DCP1A: variants seen among roughly 807,000 people sequenced by gnomAD.
DCP1A encodes decapping mRNA 1A, also known as mRNA-decapping enzyme 1A.
A neutral mutation model predicts 58.0 loss-of-function variants in DCP1A; 20 were observed. The ratio of observed to expected loss-of-function variants is 0.34; its 90% CI spans 0.24 to 0.50. DCP1A has a LOEUF of 0.50. Ranked by LOEUF, DCP1A falls within the 20% of genes least tolerant of loss-of-function variation. DCP1A has a pLI of 0.98. For synonymous variants in DCP1A, 285 were observed against 275.1 expected (o/e 1.04, Z -0.36); for missense variants, 613 against 712.2 (o/e 0.86, Z 1.59).
At chr3:53,320,880 A>G (rs1252320032) in intron 3 of DCP1A, among the ~76,000 whole-genome samples, 2 of 152,266 alleles carry the variant, frequency 1.3e-5, no homozygotes, top group African/African-American at 4.8e-5. Context: ...CACAGAAGTC[A>G]TAGAAGACTG....
At chr3:53,329,555 T>C (rs1204471648) in intron 3 of DCP1A, 2 of 390,386 alleles carry the variant, frequency 5.1e-6, no homozygotes, top group Non-Finnish European at 9.0e-6. Flanking sequence ...ATTAGACTAG[T>C]AGATATATGA....
At chr3:53,305,351 T>C (rs993775800) in intron 5 of DCP1A, among the ~76,000 whole-genome samples, 4 of 152,098 alleles carry the variant, frequency 2.6e-5, no homozygotes, top group African/African-American at 7.2e-5. Context: ...AAAAATTTTT[T>C]TTTCTTTTTT....
At chr3:53,342,935 T>C (rs1395540034) in intron 2 of DCP1A, among the ~76,000 whole-genome samples, 1 of 152,194 alleles carries the variant, frequency 6.6e-6, no homozygotes, top group African/African-American at 2.4e-5. Context: ...TGGCTGCCCA[T>C]CATTACAATA....
At chr3:53,296,312 C>T (rs140188816) in intron 6 of DCP1A, among the ~76,000 whole-genome samples, 10 of 152,314 alleles carry the variant, frequency 6.6e-5, no homozygotes, top group African/African-American at 2.4e-4. Flanking sequence ...ATAACCAAGG[C>T]TAGGCTATTA....
intron 3 of DCP1A, among the ~76,000 whole-genome samples, chr3:53,325,054 G>A (rs1553690444): frequency 6.6e-6 from 1 of 152,042 alleles, no homozygotes; most frequent in Non-Finnish European, 1.5e-5. Context: ...AAAGGTATTT[G>A]AACTATTTTG....
chr3:53,322,234 C>T lies in DCP1A; in HGVS notation c.305-2761G>A, dbSNP rs553960551. ...CTGGAAGGCCAAGGCGGGTGGATCA[C>T]CTGAGGTCAGGAGTTCGAGACCACC... On this transcript the variant is annotated intron_variant, in intron 3 of 9. Coordinates refer to ENST00000610213, the MANE Select transcript of DCP1A (RefSeq NM_018403.7). Among the ~76,000 whole-genome samples the T allele has an allele frequency of 9.2e-5, 14 of 152,178 alleles. No homozygotes were observed. In the South Asian group the frequency reaches 2.9e-3, roughly 32 times the overall value.
intron 4 of DCP1A, among the ~76,000 whole-genome samples, chr3:53,318,206 G>T (rs782732732): frequency 6.6e-6 from 1 of 152,160 alleles, no homozygotes; most frequent in Non-Finnish European, 1.5e-5. Context: ...TTGAGAGGCT[G>T]AGATGGGAGG....
At chr3:53,318,966 G>C (rs1553689573) in intron 4 of DCP1A, among the ~76,000 whole-genome samples, 1 of 152,146 alleles carries the variant, frequency 6.6e-6, no homozygotes, top group Non-Finnish European at 1.5e-5. Flanking sequence ...ATATCCTCTG[G>C]AGCCGGGCAG....
chr3:53,321,633 T>G, intron 3 of DCP1A, among the ~76,000 whole-genome samples: 1 of 152,140 alleles, frequency 6.6e-6, no homozygotes, highest in East Asian at 1.9e-4. Context: ...ACAGGAGAAT[T>G]GCTTGAATCC....
chr3:53,323,359 G>A (rs935677513), intron 3 of DCP1A, among the ~76,000 whole-genome samples: 1 of 152,118 alleles, frequency 6.6e-6, no homozygotes, highest in Non-Finnish European at 1.5e-5. Context: ...CGCTCTTAGC[G>A]GCTAAGGCTT....
intron 5 of DCP1A, among the ~76,000 whole-genome samples, chr3:53,306,931 CTTTTTT>C (rs1159787111): frequency 6.9e-5 from 7 of 101,590 alleles, no homozygotes; most frequent in African/African-American, 2.4e-4. Flanking sequence ...CCAGGCTGTT[CTTTTTT>C]TTTTTTTTTT....
chr3:53,334,594 C>T lies in DCP1A; in HGVS notation c.304+7550G>A, dbSNP rs1025351398. Among the ~76,000 whole-genome samples the T allele has an allele frequency of 3.3e-5, 5 of 152,146 alleles. No individual in the cohort carries two copies. In the East Asian group the frequency reaches 7.7e-4, roughly 23 times the overall value. ...TGGAATGCTTAGGTTTGAACAGCTT[C>T]TAGTTTGTTACTGTTTTTTACAAAA... On this transcript the variant is annotated intron_variant, in intron 3 of 9. Coordinates refer to ENST00000610213, the MANE Select transcript of DCP1A (RefSeq NM_018403.7).
intron 3 of DCP1A, chr3:53,329,554 GTAGA>G (rs2088947197): frequency 2.6e-6 from 1 of 389,922 alleles, no homozygotes; most frequent in Non-Finnish European, 4.5e-6. Flanking sequence ...TATTAGACTA[GTAGA>G]TATATGACAT....
At chr3:53,301,938 C>A (rs1553687451) in intron 6 of DCP1A, among the ~76,000 whole-genome samples, 2 of 152,076 alleles carry the variant, frequency 1.3e-5, no homozygotes, top group Non-Finnish European at 2.9e-5. Flanking sequence ...GTTGCCAGGG[C>A]TAAACGATGG....
At chr3:53,320,687 C>A (rs946371116) in intron 3 of DCP1A, among the ~76,000 whole-genome samples, 1 of 152,142 alleles carries the variant, frequency 6.6e-6, no homozygotes, top group Non-Finnish European at 1.5e-5. Flanking sequence ...ACTATCACAG[C>A]CAGGATACTG....
Position 53,347,417 on chromosome 3 carries a change from G to A in DCP1A, c.101C>T (p.Ala34Val). 1 of 1,612,816 alleles carries A rather than the reference G, an allele frequency of 6.2e-7. No individual in the cohort carries two copies. Among genetic ancestry groups the A allele is most frequent in the South Asian group, 1.1e-5 (1 of 91,050 alleles). ...GGCCTTGGGGCAGAAGGTGTACAGA[G>A]CGACCTGGCCCGTGAGGTCTGCGAT... ...TSIADLTGQV[A>V]LYTFCPKANQ... is the part of the protein sequence containing the mutation. Residue 34 changes from alanine to valine, a missense_variant, in exon 1 of 10, where the codon GCT (alanine) becomes GTT (valine). By Grantham distance (64) the Ala-to-Val change is moderately conservative. Transcript: ENST00000610213.
At chr3:53,331,446 T>C (rs1204706492) in intron 3 of DCP1A, among the ~76,000 whole-genome samples, 3 of 152,236 alleles carry the variant, frequency 2.0e-5, no homozygotes, top group African/African-American at 4.8e-5. Context: ...TGTATTTAGA[T>C]GTACAAATTC....
At chr3:53,330,819 A>G (rs1490244593) in intron 3 of DCP1A, among the ~76,000 whole-genome samples, 3 of 106,426 alleles carry the variant, frequency 2.8e-5, no homozygotes, top group Admixed American at 2.2e-4. Context: ...ATACACATAT[A>G]TATATATTTT....
At chr3:53,337,468 C>T (rs528709167) in intron 3 of DCP1A, among the ~76,000 whole-genome samples, 3 of 152,152 alleles carry the variant, frequency 2.0e-5, no homozygotes, top group Non-Finnish European at 4.4e-5. Flanking sequence ...AAATGCCTAA[C>T]AAAATACCTT....
Sources: gnomAD v4.1 joint callset for allele counts (sites outside exome capture counted in the v4.1 genomes callset) on GRCh38, gnomAD v4.1.1 for gene constraint, MANE v1.5 for transcripts, NCBI Gene and HGNC (gene_info 2026-07-23, HGNC 2026-07-21) for gene names.